The following RERE variants were observed in gnomAD, a reference collection of about 807,000 sequenced individuals.
RERE encodes the protein arginine-glutamic acid dipeptide repeats protein.
RERE carries 40 observed loss-of-function variants against 146.1 expected under a neutral mutation model. The ratio of observed to expected loss-of-function variants is 0.27; its 90% CI spans 0.21 to 0.36. RERE has a LOEUF of 0.36. Among genes scored for constraint, RERE ranks in the 10% least tolerant of loss-of-function variants. The pLI is 1.00. For synonymous variants in RERE, 1,003 were observed against 866.0 expected (o/e 1.16, Z -2.78); for missense variants, 1,933 against 2,138.7 (o/e 0.90, Z 1.90).
chr1:8,750,366 A>C, intron 1 of RERE: 1 of 640,336 alleles, frequency 1.6e-6, no homozygotes, highest in Non-Finnish European at 2.8e-6. Context: ...CTCATTCAAC[A>C]TCTGTGAGTG....
rs151174217 is a variant in RERE, at chr1:8,426,882, A to ACT, written c.1204-4077_1204-4076dup. ...CCCAAATGAAACCAGATGTCCAGTT[A>ACT]CTCTCTCATTAGTTTATTTATTTGT... On this transcript the variant is annotated intron_variant, in intron 11 of 22. Coordinates refer to ENST00000400908, the MANE Select transcript of RERE (RefSeq NM_001042681.2). Among the ~76,000 whole-genome samples the ACT allele has an allele frequency of 7.8e-3, 1,194 of 152,120 alleles. 15 individuals carry two copies. Among genetic ancestry groups the ACT allele is most frequent in the African/African-American group, 0.028 (1,159 of 41,486 alleles).
chr1:8,432,427 G>A (rs1644108107), intron 11 of RERE, among the ~76,000 whole-genome samples: 1 of 151,868 alleles, frequency 6.6e-6, no homozygotes, highest in Non-Finnish European at 1.5e-5. Context: ...AGTGAACAAG[G>A]AGCACAGCAC....
intron 1 of RERE, among the ~76,000 whole-genome samples, chr1:8,714,898 G>A (rs893710617): frequency 1.7e-4 from 25 of 151,328 alleles, no homozygotes; most frequent in Non-Finnish European, 3.4e-4. Context: ...TTTTTAAGAC[G>A]GAGTCTCACT....
intron 1 of RERE, among the ~76,000 whole-genome samples, chr1:8,801,037 G>C (rs776222938): frequency 6.6e-6 from 1 of 152,054 alleles, no homozygotes; most frequent in East Asian, 1.9e-4. Flanking sequence ...GGTAGGTGGA[G>C]TGCTTGAGTC....
At chr1:8,698,954 T>C (rs1264879780) in intron 1 of RERE, among the ~76,000 whole-genome samples, 1 of 152,236 alleles carries the variant, frequency 6.6e-6, no homozygotes, top group Non-Finnish European at 1.5e-5. Flanking sequence ...GGTCTTGCCC[T>C]GTCACTCTGG....
chr1:8,684,617 T>C (rs2124403876), intron 1 of RERE, among the ~76,000 whole-genome samples: 1 of 152,250 alleles, frequency 6.6e-6, no homozygotes, highest in South Asian at 2.1e-4. Context: ...AAGTATTTGG[T>C]GAAATAGTAA....
intron 2 of RERE, among the ~76,000 whole-genome samples, chr1:8,628,593 T>C (rs1647000878): frequency 6.6e-6 from 1 of 152,182 alleles, no homozygotes; most frequent in Non-Finnish European, 1.5e-5. Context: ...TTAAAAATAT[T>C]CAAAACAAGG....
At chr1:8,651,165 A>G (rs1647611714) in intron 2 of RERE, among the ~76,000 whole-genome samples, 1 of 152,064 alleles carries the variant, frequency 6.6e-6, no homozygotes, top group African/African-American at 2.4e-5. Context: ...TATAACCCCA[A>G]GACTTTGGGA....
intron 8 of RERE, among the ~76,000 whole-genome samples, chr1:8,501,985 T>G (rs1231806286): frequency 1.6e-3 from 43 of 26,428 alleles, no homozygotes; most frequent in East Asian, 2.2e-3. Flanking sequence ...GGGAGGGAGG[T>G]GGGGGGGTCA....
intron 1 of RERE, among the ~76,000 whole-genome samples, chr1:8,722,607 C>T (rs764424165): frequency 5.3e-5 from 8 of 151,878 alleles, no homozygotes; most frequent in Non-Finnish European, 1.2e-4. Context: ...TTTGGAGGAA[C>T]AAAAAAAGGA....
At chr1:8,706,113 C>CAAAA (rs61016240) in intron 1 of RERE, among the ~76,000 whole-genome samples, 48 of 69,152 alleles carry the variant, frequency 6.9e-4, no homozygotes, top group Non-Finnish European at 1.1e-3. Context: ...ACTCCGTCTC[C>CAAAA]AAAAAAAAAA....
intron 1 of RERE, among the ~76,000 whole-genome samples, chr1:8,763,115 G>A (rs1053298045): frequency 3.9e-5 from 6 of 152,118 alleles, no homozygotes; most frequent in African/African-American, 9.7e-5. Context: ...ATTATTTCTA[G>A]ACAGCTTGAT....
chr1:8,371,684 C>A (rs1374751615), intron 12 of RERE, among the ~76,000 whole-genome samples: 2 of 152,232 alleles, frequency 1.3e-5, no homozygotes, highest in African/African-American at 4.8e-5. Context: ...CACACAGACA[C>A]AACGTAAGAC....
chr1:8,606,604 T>C (rs1646712486), intron 4 of RERE, among the ~76,000 whole-genome samples: 1 of 152,036 alleles, frequency 6.6e-6, no homozygotes, highest in Admixed American at 6.6e-5. Flanking sequence ...GTCAATGGGA[T>C]GAGGAGGGAA....
intron 4 of RERE, among the ~76,000 whole-genome samples, chr1:8,613,472 T>C (rs912941656): frequency 2.0e-5 from 3 of 152,142 alleles, no homozygotes; most frequent in African/African-American, 4.8e-5. Context: ...CCACTTCTTA[T>C]TGATGTATGA....
intron 4 of RERE, among the ~76,000 whole-genome samples, chr1:8,607,530 A>ATATATATTTTTT (rs1646732034): frequency 1.7e-5 from 1 of 57,596 alleles, no homozygotes; most frequent in Non-Finnish European, 3.4e-5. Flanking sequence ...TTTTATATAT[A>ATATATATTTTTT]TTTCTTTTTT....
rs562036531 is a variant in RERE, at chr1:8,525,114, A to T, written c.830+16100T>A. ...GGAAGATGAGTCTGCTTCCTTTTGA[A>T]GGCAAGAGACTAAGTAAAAACTGAT... is the stretch of plus-strand genomic sequence containing the variant. On this transcript the variant is annotated intron_variant, in intron 7 of 22. Transcript: ENST00000400908. 3.3e-5 allele frequency among the ~76,000 whole-genome samples: 5 copies of T among 152,340 alleles called. No homozygotes were observed. The East Asian group carries it at 9.6e-4, about 29-fold the overall frequency.
chr1:8,583,409 T>G (rs1463811793), intron 4 of RERE, among the ~76,000 whole-genome samples: 1 of 152,140 alleles, frequency 6.6e-6, no homozygotes, highest in Admixed American at 6.5e-5. Flanking sequence ...ATCAATGAGA[T>G]ATGGGATACA....
chr1:8,377,090 A>G (rs1340244408), intron 12 of RERE, among the ~76,000 whole-genome samples: 1 of 152,214 alleles, frequency 6.6e-6, no homozygotes, highest in Non-Finnish European at 1.5e-5. Flanking sequence ...AAAAATAAAT[A>G]AATAACAGAT....
Sources: gnomAD v4.1 joint callset for allele counts (sites outside exome capture counted in the v4.1 genomes callset) on GRCh38, gnomAD v4.1.1 for gene constraint, MANE v1.5 for transcripts, NCBI Gene and HGNC (gene_info 2026-07-23, HGNC 2026-07-21) for gene names.